The following NEK1 variants were observed in gnomAD, a reference collection of about 807,000 sequenced individuals.
NEK1 encodes serine/threonine-protein kinase Nek1.
NEK1 carries 137 observed loss-of-function variants against 182.1 expected under a neutral mutation model. That is an observed-to-expected ratio of 0.75 (90% CI 0.65 to 0.87). The LOEUF (loss-of-function observed/expected upper bound fraction) is 0.87, where lower values mean the gene tolerates loss of function less well. Among genes scored for constraint, NEK1 ranks in the 40% least tolerant of loss-of-function variants. The probability of loss-of-function intolerance (pLI) is 0.00; values close to 1 mark genes in which losing one functional copy is unlikely to be tolerated. For synonymous variants in NEK1, 513 were observed against 492.2 expected (o/e 1.04, Z -0.56); for missense variants, 1,391 against 1,494.4 (o/e 0.93, Z 1.14).
intron 23 of NEK1, among the ~76,000 whole-genome samples, chr4:169,482,579 T>G (rs1393732670): frequency 2.6e-5 from 4 of 151,984 alleles, no homozygotes; most frequent in Non-Finnish European, 5.9e-5. Context: ...CCCGAGTTGC[T>G]GAGACTACAG....
At chr4:169,561,654 G>T (rs903568538) in intron 15 of NEK1, 33 bp downstream of exon 15, 1 of 1,571,028 alleles carries the variant, frequency 6.4e-7, no homozygotes, top group Non-Finnish European at 8.7e-7. Flanking sequence ...TATTCCTTAA[G>T]AAAAAAGTAT....
chr4:169,556,019 G>C lies in NEK1; in HGVS notation c.1343C>G (p.Ala448Gly), dbSNP rs775433826. Residue 448 changes from alanine to glycine, a missense_variant, in exon 17 of 36, where the codon GCC becomes GGC. This residue lies in a region of NEK1 where 1,216 missense variants were observed against 1,277.6 expected (regional missense o/e 0.95). Transcript: ENST00000507142. Reference protein sequence around the residue: ...SSRGQYEHYHAIFDQMQQQRA... With the variant: ...SSRGQYEHYHGIFDQMQQQRA... ...TTGTTGCTGCATTTGGTCAAAAATG[G>C]CATGGTAATGTTCATACTGTCCTCG... 1 of 1,613,638 alleles carries C rather than the reference G, an allele frequency of 6.2e-7. No individual in the cohort carries two copies.
rs914249797 is a variant in NEK1 at position 169,510,953 on chromosome 4, T to C, written c.1666-2101A>G. Among the ~76,000 whole-genome samples, 6 of 152,096 alleles carry C rather than the reference T, an allele frequency of 3.9e-5. No homozygotes were observed. In the South Asian group the frequency reaches 6.2e-4, roughly 16 times the overall value. Reference sequence around the variant, plus strand: ...TTTGACCTTCCATACCATTTCTTTATAGAAACCTCTCACAGTAGCACTCAT... The same window carrying C: ...TTTGACCTTCCATACCATTTCTTTACAGAAACCTCTCACAGTAGCACTCAT... On this transcript the variant is annotated intron_variant, in intron 19 of 35. Transcript: ENST00000507142.
At chr4:169,458,079 A>G (rs568015484) in intron 27 of NEK1, among the ~76,000 whole-genome samples, 3 of 152,126 alleles carry the variant, frequency 2.0e-5, no homozygotes, top group Non-Finnish European at 4.4e-5. Context: ...ATGGATATAC[A>G]AAAGACCCAG....
At chr4:169,466,777 G>A (rs1745007793) in intron 26 of NEK1, among the ~76,000 whole-genome samples, 1 of 151,730 alleles carries the variant, frequency 6.6e-6, no homozygotes, top group Non-Finnish European at 1.5e-5. Flanking sequence ...AAACTACATG[G>A]GTAGACACAA....
At chr4:169,604,585 A>T (rs747127266) in intron 2 of NEK1, among the ~76,000 whole-genome samples, 1 of 152,218 alleles carries the variant, frequency 6.6e-6, no homozygotes, top group African/African-American at 2.4e-5. Flanking sequence ...GCAGTTTACC[A>T]TATTTCTCAT....
At chr4:169,471,901 C>T (rs764976083) in intron 26 of NEK1, among the ~76,000 whole-genome samples, 10 of 152,126 alleles carry the variant, frequency 6.6e-5, no homozygotes, top group Non-Finnish European at 1.3e-4. Context: ...GTTCTGCACC[C>T]AGTTCAAACT....
chr4:169,497,175 T>G (rs1441029242), intron 23 of NEK1, among the ~76,000 whole-genome samples: 1 of 152,244 alleles, frequency 6.6e-6, no homozygotes, highest in Non-Finnish European at 1.5e-5. Flanking sequence ...CTTCTAGATT[T>G]TCTAGTTTAT....
At chr4:169,546,434 G>A (rs899540223) in intron 18 of NEK1, among the ~76,000 whole-genome samples, 2 of 152,144 alleles carry the variant, frequency 1.3e-5, no homozygotes, top group Non-Finnish European at 2.9e-5. Context: ...AATGCTATGT[G>A]GTGCTGAGAA....
chr4:169,412,519 T>C (rs1234937899), intron 31 of NEK1, among the ~76,000 whole-genome samples: 1 of 152,226 alleles, frequency 6.6e-6, no homozygotes. Context: ...TGCTTCACCA[T>C]TATCTTCTAC....
At chr4:169,505,275 A>G (rs939263545) in intron 23 of NEK1, among the ~76,000 whole-genome samples, 1 of 151,126 alleles carries the variant, frequency 6.6e-6, no homozygotes, top group African/African-American at 2.4e-5. Context: ...CTTACACACA[A>G]TTTTTTTTTC....
chr4:169,469,161 C>A lies in NEK1; in HGVS notation c.2435-5766G>T, dbSNP rs558343356. Among the ~76,000 whole-genome samples, 4 of 152,080 alleles carry A rather than the reference C, an allele frequency of 2.6e-5. No individual in the cohort carries two copies. The South Asian group carries it at 8.3e-4, about 32-fold the overall frequency. On this transcript the variant is annotated intron_variant, in intron 26 of 35. Transcript: ENST00000507142. ...TTAGTTATTTCTTGTCTTCTGCTAG[C>A]TTTTGAATTTGTTTGCTCTTGCTTC...
At chr4:169,599,040 C>T in intron 5 of NEK1, 60 bp downstream of exon 5, 1 of 1,330,812 alleles carries the variant, frequency 7.5e-7, no homozygotes, top group Non-Finnish European at 1.1e-6. Flanking sequence ...CACACATAAA[C>T]AAATTTTGAA....
chr4:169,552,222 G>A (rs1761529281), intron 18 of NEK1, among the ~76,000 whole-genome samples: 1 of 151,934 alleles, frequency 6.6e-6, no homozygotes, highest in South Asian at 2.1e-4. Context: ...GTGATTACCA[G>A]CTATGAAAGG....
intron 19 of NEK1, among the ~76,000 whole-genome samples, chr4:169,509,918 A>T (rs1753911418): frequency 6.6e-6 from 1 of 152,170 alleles, no homozygotes; most frequent in South Asian, 2.1e-4. Flanking sequence ...AGTTATCCAG[A>T]CAATATTATA....
At chr4:169,544,107 C>T (rs1394905802) in intron 18 of NEK1, among the ~76,000 whole-genome samples, 1 of 152,126 alleles carries the variant, frequency 6.6e-6, no homozygotes, top group African/African-American at 2.4e-5. Flanking sequence ...ATGATATTGG[C>T]TGTGGGTTTG....
At position 169,477,304 on chromosome 4, in the gene NEK1, C is replaced by T; in HGVS notation, c.2254G>A (p.Glu752Lys). 6 of 1,586,846 alleles carry T rather than the reference C, an allele frequency of 3.8e-6. No homozygotes were observed. Among genetic ancestry groups the T allele is most frequent in the Non-Finnish European group, 5.2e-6 (6 of 1,164,588 alleles). ...AGATTCTGCTTTCCTTTTTCATCTT[C>T]TTGAGCTTTAAGATTTTCATTTAAT... ...RRLNENLKAQEDEKGKQNLSD... is the reference protein window; with the variant it reads ...RRLNENLKAQKDEKGKQNLSD... The change falls in exon 26 of 36, where the codon GAA becomes AAA. Residue 752 changes from glutamate (E) to lysine (K), a missense_variant. Glu to Lys is a moderately conservative substitution (Grantham distance 56). This residue lies in a region of NEK1 where 1,216 missense variants were observed against 1,277.6 expected (regional missense o/e 0.95). Transcript: ENST00000507142.
intron 5 of NEK1, among the ~76,000 whole-genome samples, chr4:169,594,102 G>A (rs1490737250): frequency 2.0e-5 from 3 of 151,778 alleles, no homozygotes; most frequent in African/African-American, 7.3e-5. Context: ...GGATTCTCTT[G>A]CTCAGAAGAC....
intron 19 of NEK1, among the ~76,000 whole-genome samples, chr4:169,521,483 G>A (rs1756032904): frequency 1.3e-5 from 2 of 151,904 alleles, no homozygotes; most frequent in Non-Finnish European, 2.9e-5. Flanking sequence ...GCTCACGCTG[G>A]GAGCTGTAGA....
Sources: allele counts gnomAD v4.1 joint callset (sites outside exome capture counted in the v4.1 genomes callset), GRCh38; gene constraint gnomAD v4.1.1; regional missense constraint gnomAD v4.1.1; transcripts MANE v1.5; gene names NCBI Gene and HGNC (gene_info 2026-07-23, HGNC 2026-07-21).